Variants in SI observed in about 807,000 individuals in gnomAD.
The protein encoded by SI is sucrase-isomaltase, intestinal.
In SI, 235 loss-of-function variants were observed where a neutral mutation model predicts 253.3. The ratio of observed to expected loss-of-function variants is 0.93; its 90% CI spans 0.83 to 1.03. The LOEUF (loss-of-function observed/expected upper bound fraction) is 1.03, where lower values mean the gene tolerates loss of function less well. SI is among the 50% of genes least tolerant of loss of function. The pLI is 0.00. For missense variants in SI, 2,442 were observed against 2,211.1 expected, an observed-to-expected ratio of 1.10 and a Z score of -2.09; for synonymous variants, 819 against 712.0, an observed-to-expected ratio of 1.15 and a Z score of -2.39.
At chr3:164,980,714 G>GA (rs1056820747) in intron 47 of SI, among the ~76,000 whole-genome samples, 1 of 151,766 alleles carries the variant, frequency 6.6e-6, no homozygotes, top group Non-Finnish European at 1.5e-5. Flanking sequence ...AAAGAGAATA[G>GA]AAAAAAATGA....
intron 37 of SI, among the ~76,000 whole-genome samples, chr3:165,003,169 A>G (rs1718335994): frequency 6.6e-6 from 1 of 151,928 alleles, no homozygotes; most frequent in Non-Finnish European, 1.5e-5. Flanking sequence ...ACAATGTGTC[A>G]AGAATCATGT....
chr3:165,056,563 A>G (rs143802713), intron 12 of SI, among the ~76,000 whole-genome samples: 1 of 152,274 alleles, frequency 6.6e-6, no homozygotes, highest in Non-Finnish European at 1.5e-5. Context: ...ATTCCCCAAC[A>G]GTGCCCATGG....
chr3:165,031,524 T>C (rs1052442896), intron 24 of SI, among the ~76,000 whole-genome samples: 1 of 150,076 alleles, frequency 6.7e-6, no homozygotes, highest in Admixed American at 6.7e-5. Context: ...TTATATCAAT[T>C]TATTCTTATA....
intron 17 of SI, 124 bp downstream of exon 17, chr3:165,042,935 A>G: frequency 1.4e-6 from 1 of 732,068 alleles, no homozygotes; most frequent in Non-Finnish European, 2.4e-6. Context: ...AGGGACTTCT[A>G]ACAATGTCTT....
chr3:165,038,168 T>C, intron 20 of SI, 144 bp from the exon 21 acceptor site: 1 of 605,142 alleles, frequency 1.7e-6, no homozygotes, highest in Non-Finnish European at 2.6e-6. Context: ...TTTAGGAGAA[T>C]TTTTTTTTTC....
At chr3:164,984,184 AAGAT>A (rs1227001035) in intron 45 of SI, among the ~76,000 whole-genome samples, 1 of 152,122 alleles carries the variant, frequency 6.6e-6, no homozygotes. Flanking sequence ...AAGCATACAT[AAGAT>A]AGAGCAAAGT....
intron 10 of SI, 35 bp downstream of exon 10, chr3:165,059,867 G>GAT: frequency 6.3e-7 from 1 of 1,599,424 alleles, no homozygotes; most frequent in Non-Finnish European, 8.6e-7. Context: ...TATTTAACTT[G>GAT]ATATATATTC....
At chr3:165,007,551 T>C (rs935016328) in intron 36 of SI, among the ~76,000 whole-genome samples, 4 of 151,966 alleles carry the variant, frequency 2.6e-5, no homozygotes, top group African/African-American at 9.7e-5. Flanking sequence ...TCTTAAAGAG[T>C]ATTTAACATT....
Position 164,979,372 on chromosome 3 carries a change from T to C in SI, c.5474A>G (p.Asn1825Ser), listed in dbSNP as rs745360543. Reference protein sequence around the residue: ...NVTLEEPIEINWS With the variant: ...NVTLEEPIEISWS Reference sequence around the variant, plus strand: ...AATTGATGGTGATCTTCATGACCAGTTGATTTCTATTGGTTCTTCTAGAGT... The same window carrying C: ...AATTGATGGTGATCTTCATGACCAGCTGATTTCTATTGGTTCTTCTAGAGT... Residue 1825 changes from asparagine to serine, a missense_variant, in exon 48 of 48, where the codon AAC (asparagine) becomes AGC (serine). Coordinates refer to ENST00000264382, the MANE Select transcript of SI (RefSeq NM_001041.4). 1.9e-6 allele frequency: 3 copies of C among 1,586,002 alleles called. No individual in the cohort carries two copies. The highest frequency in any genetic ancestry group is 2.2e-5 in the East Asian group (1 of 44,566).
Position 165,018,024 on chromosome 3 carries a change from G to A in SI, c.3466C>T (p.Leu1156=), listed in dbSNP as rs144285578. 167 of 1,611,504 alleles carry A rather than the reference G, an allele frequency of 1.0e-4. 1 individual carries two copies. The African/African-American group carries it at 2.0e-3, about 19-fold the overall frequency. ...SYGFHPYYMA[L]EEEGNAHGVF... ...CCATGAGCATTGCCCTCCTCTTCCA[G>A]AGCCATGTAATAGGGATGAAATCCA... The change falls in exon 29 of 48, where the codon CTG becomes TTG. Residue 1156 remains leucine (L), a synonymous_variant. Coordinates refer to ENST00000264382, the MANE Select transcript of SI (RefSeq NM_001041.4).
rs185479515 is a variant in SI, at chr3:165,017,834, G to A, written c.3560C>T (p.Thr1187Ile). Residue 1187 changes from threonine to isoleucine, a missense_variant, in exon 30 of 48, where the codon ACA becomes ATA. Physicochemically the swap from Thr to Ile is moderately conservative, Grantham distance 89. Coordinates refer to ENST00000264382, the MANE Select transcript of SI (RefSeq NM_001041.4). ...FQPTPALTYR[T>I]VGGILDFYMF... ...ATAAAAATCCAAGATCCCTCCAACT[G>A]TACGGTAAGTTAGAGCAGGAGTTGG... 8.1e-6 allele frequency: 13 copies of A among 1,613,012 alleles called. No homozygotes were observed. In the Admixed American group the frequency reaches 1.7e-4, roughly 21 times the overall value.
Position 165,032,501 on chromosome 3 carries a change from AT to A in SI, c.2736+20del, listed in dbSNP as rs771351452. 8 of 1,519,734 alleles carry A rather than the reference AT, an allele frequency of 5.3e-6. No individual in the cohort carries two copies. In the South Asian group the frequency reaches 7.9e-5, roughly 15 times the overall value. 94.1% of individuals were successfully genotyped at this position (1,519,734 alleles called of 1,614,324 possible). ...TATGAGATTATATGATAGCTAAAATATTTTAAAAGATTGTAATTACCTGGTT... is the reference window on the plus strand; with the variant it reads ...TATGAGATTATATGATAGCTAAAATATTTAAAAGATTGTAATTACCTGGTT... On this transcript the variant is annotated intron_variant, in intron 24 of 47. Coordinates refer to ENST00000264382, the MANE Select transcript of SI (RefSeq NM_001041.4).
In SI at chr3:164,982,380, C is replaced by T. The variant is rs1336156418; in HGVS notation, c.5278G>A (p.Gly1760Ser). Residue 1760 changes from glycine to serine, a missense_variant, in exon 47 of 48, where the codon GGT (glycine) becomes AGT (serine). Gly to Ser is a moderately conservative substitution (Grantham distance 56). Transcript: ENST00000264382. ...CTCGTTTCACTTTTATTTATGTAACCTCTCTTCAATATAGTGCTTGTTAAG... is the reference window on the plus strand; with the variant it reads ...CTCGTTTCACTTTTATTTATGTAACTTCTCTTCAATATAGTGCTTGTTAAG... ...TTLTSTILKR[G>S]YINKSETRLG... 6 of 1,611,906 alleles carry T rather than the reference C, an allele frequency of 3.7e-6. No homozygotes were observed. Among genetic ancestry groups the T allele is most frequent in the Admixed American group, 3.3e-5 (2 of 59,850 alleles).
At chr3:164,982,711 G>T (rs1255554437) in intron 46 of SI, among the ~76,000 whole-genome samples, 1 of 152,118 alleles carries the variant, frequency 6.6e-6, no homozygotes, top group South Asian at 2.1e-4. Context: ...AGGCTGGAGT[G>T]CAATAGTGCA....
At chr3:165,060,178 TAAAC>T in intron 9 of SI, 151 bp from the exon 10 acceptor site, 4 of 686,818 alleles carry the variant, frequency 5.8e-6, no homozygotes, top group Non-Finnish European at 9.6e-6. Flanking sequence ...ACCTGGATTC[TAAAC>T]AATTTCCTAT....
chr3:165,032,354 G>T (rs1712293950), intron 24 of SI, among the ~76,000 whole-genome samples, 168 bp downstream of exon 24: 1 of 150,980 alleles, frequency 6.6e-6, no homozygotes, highest in Non-Finnish European at 1.5e-5. Flanking sequence ...ACATAAATTG[G>T]AATATTGTTC....
At chr3:165,006,999 C>T (rs753045820) in intron 36 of SI, 45 bp from the exon 37 acceptor site, 101 of 1,366,652 alleles carry the variant, frequency 7.4e-5, no homozygotes, top group Non-Finnish European at 9.7e-5. Context: ...ATACAGTGCC[C>T]TACAATGAAA....
chr3:165,021,118 AT>A (rs1214967067), intron 27 of SI, 110 bp downstream of exon 27: 4 of 908,856 alleles, frequency 4.4e-6, no homozygotes, highest in Non-Finnish European at 5.3e-6. Flanking sequence ...CACGTCTTAA[AT>A]TTTTTTGTGT....
At chr3:165,003,783 T>A (rs996806544) in intron 37 of SI, among the ~76,000 whole-genome samples, 2 of 151,994 alleles carry the variant, frequency 1.3e-5, no homozygotes, top group East Asian at 1.9e-4. Context: ...ACAAGCCTTA[T>A]GGTGATTGCA....
Sources: allele counts gnomAD v4.1 joint callset (sites outside exome capture counted in the v4.1 genomes callset), GRCh38; gene constraint gnomAD v4.1.1; transcripts MANE v1.5; gene names NCBI Gene and HGNC (gene_info 2026-07-23, HGNC 2026-07-21).